The following NTM variants were observed in gnomAD, a reference collection of about 807,000 sequenced individuals.
The protein encoded by NTM is neurotrimin.
A neutral mutation model predicts 42.1 loss-of-function variants in NTM; 13 were observed. That is an observed-to-expected ratio of 0.31 (90% confidence interval 0.20 to 0.49). The LOEUF (loss-of-function observed/expected upper bound fraction) is 0.49. Ranked by LOEUF, NTM falls within the 20% of genes least tolerant of loss-of-function variation. NTM has a pLI of 0.99. For synonymous variants in NTM, 187 were observed against 179.2 expected, an observed-to-expected ratio of 1.04 and a Z score of -0.35; for missense variants, 373 against 452.8, an observed-to-expected ratio of 0.82 and a Z score of 1.60.
intron 1 of NTM, among the ~76,000 whole-genome samples, chr11:131,831,909 C>A (rs897190678): frequency 7.1e-6 from 1 of 141,596 alleles, no homozygotes; most frequent in Non-Finnish European, 1.5e-5. Flanking sequence ...GTAATTAATT[C>A]TCCCAACATT....
intron 2 of NTM, among the ~76,000 whole-genome samples, chr11:132,033,279 G>A (rs1406261409): frequency 6.6e-6 from 1 of 152,170 alleles, no homozygotes; most frequent in Non-Finnish European, 1.5e-5. Flanking sequence ...GCAATGTAAG[G>A]TTTTATTTTT....
At chr11:131,936,403 C>T (rs1369351578) in intron 2 of NTM, among the ~76,000 whole-genome samples, 1 of 152,024 alleles carries the variant, frequency 6.6e-6, no homozygotes, top group Middle Eastern at 3.2e-3. Flanking sequence ...TTTTATCAAG[C>T]CTTGGGCATC....
intron 4 of NTM, among the ~76,000 whole-genome samples, chr11:132,275,021 T>C (rs1017506446): frequency 3.3e-5 from 5 of 152,116 alleles, no homozygotes; most frequent in African/African-American, 1.2e-4. Context: ...TTGCAAACAT[T>C]TCATTTCATT....
chr11:131,710,632 A>G (rs2077026400), intron 1 of NTM, among the ~76,000 whole-genome samples: 1 of 152,218 alleles, frequency 6.6e-6, no homozygotes, highest in African/African-American at 2.4e-5. Flanking sequence ...AACCAGCACC[A>G]TTAACAGCAA....
chr11:132,024,873 A>G (rs1050723477), intron 2 of NTM, among the ~76,000 whole-genome samples: 2 of 152,216 alleles, frequency 1.3e-5, no homozygotes, highest in African/African-American at 4.8e-5. Flanking sequence ...CACCGACTAC[A>G]GGCACTGAGT....
At chr11:132,242,148 C>T (rs995331490) in intron 4 of NTM, among the ~76,000 whole-genome samples, 3 of 152,220 alleles carry the variant, frequency 2.0e-5, no homozygotes, top group African/African-American at 7.2e-5. Context: ...GTAGGCCTCT[C>T]AGTCCTTAGC....
chr11:131,850,828 G>A (rs1254818265), intron 1 of NTM, among the ~76,000 whole-genome samples: 1 of 152,210 alleles, frequency 6.6e-6, no homozygotes, highest in East Asian at 1.9e-4. Context: ...GTGGGCTGAG[G>A]CGAGGGCACT....
intron 1 of NTM, among the ~76,000 whole-genome samples, chr11:131,895,730 T>C (rs568006885): frequency 6.6e-6 from 1 of 152,148 alleles, no homozygotes; most frequent in African/African-American, 2.4e-5. Context: ...TTTAAAATAA[T>C]TGATTTCAAC....
chr11:131,520,160 A>G (rs1019813524), intron 1 of NTM, among the ~76,000 whole-genome samples: 2 of 152,232 alleles, frequency 1.3e-5, no homozygotes, highest in African/African-American at 4.8e-5. Flanking sequence ...TTTCTAAGTG[A>G]CCTAGAATTC....
intron 1 of NTM, among the ~76,000 whole-genome samples, chr11:131,603,576 T>G (rs76673663): frequency 0.033 from 4,957 of 152,184 alleles, 254 homozygotes; most frequent in African/African-American, 0.11. Flanking sequence ...TTGTGAAATG[T>G]ATTGGTGTTT....
chr11:131,441,616 G>A (rs534852144), intron 1 of NTM, among the ~76,000 whole-genome samples: 3 of 152,238 alleles, frequency 2.0e-5, no homozygotes, highest in Middle Eastern at 3.4e-3. Context: ...TGGCAGCTCC[G>A]ATATATCTCG....
chr11:132,279,508 T>C (rs1182011227), intron 4 of NTM, among the ~76,000 whole-genome samples: 1 of 152,196 alleles, frequency 6.6e-6, no homozygotes, highest in Non-Finnish European at 1.5e-5. Flanking sequence ...CACTTAATGC[T>C]CACCAGAACT....
intron 4 of NTM, among the ~76,000 whole-genome samples, chr11:132,234,726 A>C (rs1187335465): frequency 6.6e-6 from 1 of 152,194 alleles, no homozygotes; most frequent in Non-Finnish European, 1.5e-5. Flanking sequence ...ATTGAGATGG[A>C]CTTTGAAATC....
chr11:131,435,039 A>T (rs1267242150), intron 1 of NTM, among the ~76,000 whole-genome samples: 1 of 152,170 alleles, frequency 6.6e-6, no homozygotes, highest in African/African-American at 2.4e-5. Flanking sequence ...CCATTTATTA[A>T]ATAGGGAGTC....
At chr11:132,215,160 C>A (rs1454023359) in intron 4 of NTM, among the ~76,000 whole-genome samples, 1 of 152,204 alleles carries the variant, frequency 6.6e-6, no homozygotes, top group Non-Finnish European at 1.5e-5. Flanking sequence ...AGCGGAGGCT[C>A]CAAAGAAAGA....
intron 8 of NTM, among the ~76,000 whole-genome samples, chr11:132,331,705 G>A (rs539073667): frequency 1.3e-5 from 2 of 152,320 alleles, no homozygotes; most frequent in Non-Finnish European, 2.9e-5. Flanking sequence ...ATGACACAGG[G>A]TGGTAAGTAT....
At chr11:132,027,242 G>T (rs914320495) in intron 2 of NTM, among the ~76,000 whole-genome samples, 3 of 152,152 alleles carry the variant, frequency 2.0e-5, no homozygotes, top group African/African-American at 7.2e-5. Context: ...CCTTGGGCTG[G>T]AACTACAACA....
chr11:131,666,830 G>A (rs754154070), intron 1 of NTM, among the ~76,000 whole-genome samples: 1 of 152,208 alleles, frequency 6.6e-6, no homozygotes, highest in South Asian at 2.1e-4. Flanking sequence ...TTACCAGGGA[G>A]GGGGGCATTC....
chr11:131,881,172 G>T (rs948069235), intron 1 of NTM, among the ~76,000 whole-genome samples: 15 of 152,078 alleles, frequency 9.9e-5, no homozygotes, highest in Admixed American at 8.5e-4. Flanking sequence ...GTCCAACCAA[G>T]TCTGGGCTCT....
Sources: gnomAD v4.1 joint callset for allele counts (sites outside exome capture counted in the v4.1 genomes callset) on GRCh38, gnomAD v4.1.1 for gene constraint, MANE v1.5 for transcripts, NCBI Gene and HGNC (gene_info 2026-07-23, HGNC 2026-07-21) for gene names.